NUP210L: variants seen among roughly 807,000 people sequenced by gnomAD.
NUP210L encodes nuclear pore membrane glycoprotein 210-like.
Under a neutral mutation model 208.5 loss-of-function variants are expected in NUP210L, and 74 were observed. That is an observed-to-expected ratio of 0.35 (90% CI 0.29 to 0.43). The LOEUF is 0.43. NUP210L is among the 20% of genes least tolerant of loss of function. The pLI, the probability that NUP210L is intolerant of heterozygous loss-of-function variation, is 1.00. For missense variants in NUP210L, 1,843 were observed against 2,289.4 expected (o/e 0.81, Z 3.98); for synonymous variants, 780 against 816.9 (o/e 0.95, Z 0.77).
chr1:154,117,961 T>C (rs543070275), intron 11 of NUP210L, 81 bp from the exon 12 acceptor site: 6 of 986,186 alleles, frequency 6.1e-6, no homozygotes, highest in Non-Finnish European at 7.7e-6. Context: ...ACTGGTGAAA[T>C]AAAGTTTACA....
intron 16 of NUP210L, among the ~76,000 whole-genome samples, chr1:154,082,783 C>T (rs184745912): frequency 3.1e-3 from 475 of 152,304 alleles, no homozygotes; most frequent in Non-Finnish European, 5.4e-3. Context: ...TCGCTGACTT[C>T]AGGAGTGAAG....
intron 20 of NUP210L, among the ~76,000 whole-genome samples, chr1:154,059,724 T>C (rs1654042175): frequency 1.3e-5 from 2 of 152,164 alleles, no homozygotes; most frequent in African/African-American, 4.8e-5. Flanking sequence ...AATAGCATGT[T>C]TTTTTCACAT....
At chr1:154,097,622 C>G (rs560043519) in intron 14 of NUP210L, among the ~76,000 whole-genome samples, 2 of 152,094 alleles carry the variant, frequency 1.3e-5, no homozygotes, top group Non-Finnish European at 2.9e-5. Context: ...ACAATGAGGC[C>G]AACTTAAAAT....
At chr1:154,117,671 A>T in intron 12 of NUP210L, 54 bp downstream of exon 12, 1 of 1,377,624 alleles carries the variant, frequency 7.3e-7, no homozygotes, top group South Asian at 1.3e-5. Context: ...TTAATTACTT[A>T]AATTTAGACA....
At chr1:154,040,651 A>T (rs574535094) in intron 27 of NUP210L, among the ~76,000 whole-genome samples, 93 of 150,038 alleles carry the variant, frequency 6.2e-4, no homozygotes, top group African/African-American at 2.0e-3. Context: ...CAGTGGCGTG[A>T]TCTTGGCTCA....
intron 16 of NUP210L, among the ~76,000 whole-genome samples, chr1:154,077,032 T>G (rs1032271915): frequency 6.6e-6 from 1 of 152,074 alleles, no homozygotes; most frequent in African/African-American, 2.4e-5. Context: ...AGCTGATCTT[T>G]CATCAGAAAC....
At chr1:154,137,846 C>T (rs1658628298) in intron 6 of NUP210L, among the ~76,000 whole-genome samples, 1 of 152,208 alleles carries the variant, frequency 6.6e-6, no homozygotes. Context: ...CAAGCGAGAG[C>T]CACCATGCCT....
rs1571243262 is a variant in NUP210L, at chr1:154,076,500, C to T, written c.2362-6035G>A. On this transcript the variant is annotated intron_variant, in intron 16 of 39. Coordinates refer to ENST00000368559, the Ensembl canonical transcript of NUP210L. ...GTGCTATCACATTACACAGAGAATA[C>T]CAATAAAGAGATAGAAGTTATAACA... is the stretch of plus-strand genomic sequence containing the variant. Among the ~76,000 whole-genome samples, 3 of 151,766 alleles carry T rather than the reference C, an allele frequency of 2.0e-5. No individual in the cohort carries two copies. The East Asian group carries it at 5.8e-4, about 29-fold the overall frequency.
intron 37 of NUP210L, chr1:153,995,655 A>G (rs1243568222): frequency 9.8e-6 from 13 of 1,320,080 alleles, no homozygotes; most frequent in Admixed American, 1.7e-5. Flanking sequence ...TGACATACCA[A>G]CGTAGGCTTT....
intron 27 of NUP210L, among the ~76,000 whole-genome samples, chr1:154,034,448 C>A (rs1185272570): frequency 6.6e-6 from 1 of 152,102 alleles, no homozygotes; most frequent in Non-Finnish European, 1.5e-5. Flanking sequence ...CCTGCTTCAG[C>A]CTCCCGAGTA....
At chr1:154,147,335 A>G (rs1659167495) in intron 2 of NUP210L, among the ~76,000 whole-genome samples, 1 of 152,002 alleles carries the variant, frequency 6.6e-6, no homozygotes, top group East Asian at 1.9e-4. Flanking sequence ...GAAACTTTCT[A>G]TATACAACAT....
chr1:154,035,603 T>C (rs1193035205), intron 27 of NUP210L, among the ~76,000 whole-genome samples: 1 of 152,078 alleles, frequency 6.6e-6, no homozygotes, highest in African/African-American at 2.4e-5. Context: ...TTCACCATGT[T>C]GGCCACACTG....
chr1:154,129,491 T>G (rs942649395), intron 7 of NUP210L, 146 bp from the exon 8 acceptor site: 2 of 609,150 alleles, frequency 3.3e-6, no homozygotes, highest in Non-Finnish European at 5.8e-6. Context: ...AGCCAAAACT[T>G]AAATGTGTAT....
chr1:154,015,906 CAATAAATA>C lies in NUP210L; in HGVS notation c.4653+3019_4653+3026del, dbSNP rs71584164. Reference sequence around the variant, plus strand: ...TGGGTGACACAGCAAGACCCTGTCTCAATAAATAAATAAATAAATAAATAAATAAATAA... The same window carrying C: ...TGGGTGACACAGCAAGACCCTGTCTCAATAAATAAATAAATAAATAAATAA... On this transcript the variant is annotated intron_variant, in intron 33 of 39. Transcript: ENST00000368559. Among the ~76,000 whole-genome samples the C allele has an allele frequency of 8.8e-3, 1,178 of 133,934 alleles. 9 individuals are homozygous for C. The highest frequency in any genetic ancestry group is 0.015 in the African/African-American group (554 of 35,848). The allele number at this position is 133,934 out of a possible 152,430, so 87.9% of individuals were successfully genotyped here.
At chr1:153,992,863 T>C in exon 40 of NUP210L, 1 of 1,613,358 alleles carries the variant, frequency 6.2e-7, no homozygotes, top group South Asian at 1.1e-5. Flanking sequence ...TAACCAATGT[T>C]GCAGCCGACT....
intron 27 of NUP210L, among the ~76,000 whole-genome samples, chr1:154,043,703 T>G (rs2147967165): frequency 6.7e-6 from 1 of 149,546 alleles, no homozygotes; most frequent in East Asian, 2.1e-4. Flanking sequence ...CTCTGCTCAC[T>G]GCAACCTGCA....
chr1:154,059,823 C>T (rs1654046014), intron 20 of NUP210L, among the ~76,000 whole-genome samples: 1 of 152,116 alleles, frequency 6.6e-6, no homozygotes, highest in Non-Finnish European at 1.5e-5. Context: ...GAACTATATA[C>T]ATATATTAAT....
intron 10 of NUP210L, among the ~76,000 whole-genome samples, chr1:154,123,760 C>A (rs1262828988): frequency 6.6e-6 from 1 of 151,754 alleles, no homozygotes; most frequent in African/African-American, 2.4e-5. Context: ...ATCCTGTATT[C>A]CCAGCTACTC....
chr1:154,124,192 G>GAAA (rs71584176), intron 10 of NUP210L, among the ~76,000 whole-genome samples: 12 of 120,126 alleles, frequency 1.0e-4, no homozygotes, highest in South Asian at 2.7e-4. Context: ...ATCTCAAAAA[G>GAAA]AAAAAAAAAA....
Sources: allele counts gnomAD v4.1 joint callset (sites outside exome capture counted in the v4.1 genomes callset), GRCh38; gene constraint gnomAD v4.1.1; transcripts MANE v1.5; gene names NCBI Gene and HGNC (gene_info 2026-07-23, HGNC 2026-07-21).